MAP1B: variants seen among roughly 807,000 people sequenced by gnomAD.
The protein encoded by MAP1B is microtubule-associated protein 1B.
In MAP1B, 12 loss-of-function variants were observed where a neutral mutation model predicts 176.1. The ratio of observed to expected loss-of-function variants is 0.07; its 90% CI spans 0.04 to 0.11. MAP1B has a LOEUF of 0.11. MAP1B is among the 10% of genes least tolerant of loss of function. MAP1B has a pLI of 1.00. For synonymous variants in MAP1B, 1,044 were observed against 1,135.0 expected, an observed-to-expected ratio of 0.92 and a Z score of 1.61; for missense variants, 2,523 against 2,990.5, an observed-to-expected ratio of 0.84 and a Z score of 3.65.
In MAP1B at chr5:72,209,266, CCT is replaced by C. The variant is rs1199522652; in HGVS notation, c.*4030_*4031del. The C allele has an allele frequency of 6.6e-5, 10 of 152,122 alleles. No homozygotes were observed. Among genetic ancestry groups the C allele is most frequent in the Non-Finnish European group, 1.5e-5 (1 of 68,032 alleles). The allele number at this position is 152,122 out of a possible 1,614,324, so 9.4% of individuals were successfully genotyped here. ...CGCTTTTCCTACACTGCATGCAGCC[CCT>C]CTTTCCAGCACTGGAAAGAAGTGGT... On this transcript the variant is annotated 3_prime_UTR_variant, in exon 7 of 7. Coordinates refer to ENST00000296755, the MANE Select transcript of MAP1B (RefSeq NM_005909.5).
intron 1 of MAP1B, among the ~76,000 whole-genome samples, chr5:72,107,993 T>G (rs1480102496): frequency 6.6e-6 from 1 of 152,074 alleles, no homozygotes; most frequent in African/African-American, 2.4e-5. Flanking sequence ...TCCCGCTAAG[T>G]GAAATGCAGG....
intron 2 of MAP1B, among the ~76,000 whole-genome samples, chr5:72,154,623 C>T (rs1212541358): frequency 1.3e-5 from 2 of 152,226 alleles, no homozygotes; most frequent in African/African-American, 4.8e-5. Context: ...AGGTCCCCTA[C>T]CAGATGGAGA....
chr5:72,148,185 T>G (rs1252075776), intron 2 of MAP1B, among the ~76,000 whole-genome samples: 1 of 152,248 alleles, frequency 6.6e-6, no homozygotes, highest in Non-Finnish European at 1.5e-5. Context: ...GCACTGCACT[T>G]ATGGAACCAA....
At position 72,198,351 on chromosome 5, in the gene MAP1B, T is replaced by A. The variant is rs751231507; in HGVS notation, c.4996T>A (p.Ser1666Thr). ...CCTTGCTATGGACTTCAGTCGACAGTCTCCAGATCACCCTACAGTGGGTGC... is the reference window on the plus strand; with the variant it reads ...CCTTGCTATGGACTTCAGTCGACAGACTCCAGATCACCCTACAGTGGGTGC... ...QSLAMDFSRQ[S>T]PDHPTVGAGV... is the part of the protein sequence containing the mutation. The change falls in exon 5 of 7, where the codon TCT becomes ACT. Residue 1666 changes from serine to threonine, a missense_variant. Physicochemically the swap from Ser to Thr is moderately conservative, Grantham distance 58. Around this residue, in one of 4 missense-constraint regions of MAP1B, gnomAD observed 1,925 missense variants for 2,126.0 expected, o/e 0.91. Transcript: ENST00000296755. 1.2e-6 allele frequency: 2 copies of A among 1,614,142 alleles called. No individual in the cohort carries two copies. The highest frequency in any genetic ancestry group is 1.7e-6 in the Non-Finnish European group (2 of 1,180,024).
At chr5:72,157,860 C>T (rs1387177646) in intron 2 of MAP1B, among the ~76,000 whole-genome samples, 1 of 152,122 alleles carries the variant, frequency 6.6e-6, no homozygotes, top group Non-Finnish European at 1.5e-5. Context: ...TAGCCTTTAT[C>T]ACTCTTTCTT....
intron 4 of MAP1B, among the ~76,000 whole-genome samples, chr5:72,187,275 G>C (rs1580014259): frequency 6.6e-6 from 1 of 152,194 alleles, no homozygotes; most frequent in African/African-American, 2.4e-5. Flanking sequence ...CCAAGAAAAA[G>C]ATGGCTAAAG....
intron 3 of MAP1B, 40 bp downstream of exon 3, chr5:72,183,865 C>T: frequency 6.5e-7 from 1 of 1,539,778 alleles, no homozygotes; most frequent in Non-Finnish European, 9.0e-7. Flanking sequence ...CCGGGCCCCA[C>T]ACACTGGATA....
intron 2 of MAP1B, among the ~76,000 whole-genome samples, chr5:72,128,026 T>G (rs11745965): frequency 1.3e-3 from 204 of 152,354 alleles, no homozygotes; most frequent in Admixed American, 2.5e-3. Context: ...AAAGGACATA[T>G]TGTTCCCCTT....
chr5:72,182,453 C>A (rs373266291), intron 2 of MAP1B, among the ~76,000 whole-genome samples: 70 of 152,238 alleles, frequency 4.6e-4, no homozygotes, highest in Middle Eastern at 3.4e-3. Context: ...TATTGATATA[C>A]CACATTTTAC....
At chr5:72,192,970 A>G (rs1747055901) in intron 4 of MAP1B, among the ~76,000 whole-genome samples, 1 of 152,238 alleles carries the variant, frequency 6.6e-6, no homozygotes, top group African/African-American at 2.4e-5. Flanking sequence ...TGTTTCAGCC[A>G]CATTTGATCT....
chr5:72,161,373 A>G (rs1301025625), intron 2 of MAP1B, among the ~76,000 whole-genome samples: 2 of 152,242 alleles, frequency 1.3e-5, no homozygotes, highest in Non-Finnish European at 2.9e-5. Flanking sequence ...CAGTCAATAC[A>G]TGGTGGCTAT....
At chr5:72,128,262 C>T (rs1745663744) in intron 2 of MAP1B, among the ~76,000 whole-genome samples, 1 of 152,170 alleles carries the variant, frequency 6.6e-6, no homozygotes, top group Non-Finnish European at 1.5e-5. Flanking sequence ...GTAGCGATTT[C>T]TTATCACTGA....
At chr5:72,153,550 A>C (rs946613431) in intron 2 of MAP1B, among the ~76,000 whole-genome samples, 1 of 151,878 alleles carries the variant, frequency 6.6e-6, no homozygotes, top group Non-Finnish European at 1.5e-5. Context: ...TTGTAATGAC[A>C]AGTTGGAATT....
At chr5:72,121,974 A>G (rs961487488) in intron 2 of MAP1B, among the ~76,000 whole-genome samples, 5 of 152,242 alleles carry the variant, frequency 3.3e-5, no homozygotes, top group Admixed American at 2.6e-4. Flanking sequence ...TTGTTTGTGT[A>G]CACGCACAGG....
At chr5:72,120,717 C>T (rs894693464) in intron 2 of MAP1B, among the ~76,000 whole-genome samples, 8 of 152,032 alleles carry the variant, frequency 5.3e-5, no homozygotes, top group African/African-American at 1.7e-4. Context: ...TGAGCCACTG[C>T]GCCCGGCCCC....
In MAP1B at chr5:72,194,333, G is replaced by A. The variant is rs1747096089; in HGVS notation, c.978G>A (p.Arg326=). ...NLPGINSMLQ[R]KIAELEEEQS... ...CTGGAATAAACAGCATGTTACAGCG[G>A]AAAATTGCAGAGCTCGAGGAAGAAC... Residue 326 remains arginine (R), a synonymous_variant, in exon 5 of 7, where the codon CGG becomes CGA. Transcript: ENST00000296755. This position sits in a 1 kb window ranked among gnomAD's most constrained non-coding sequence, Gnocchi z 7.2. 10 of 1,614,200 alleles carry A rather than the reference G, an allele frequency of 6.2e-6. No homozygotes were observed. Among genetic ancestry groups the A allele is most frequent in the Non-Finnish European group, 8.5e-6 (10 of 1,180,042 alleles).
intron 2 of MAP1B, among the ~76,000 whole-genome samples, chr5:72,177,958 C>T (rs966758429): frequency 5.3e-5 from 8 of 151,948 alleles, no homozygotes; most frequent in African/African-American, 1.4e-4. Context: ...TCCCTCCTTC[C>T]TTCCTCCCTT....
chr5:72,198,080 T>C lies in MAP1B; in HGVS notation c.4725T>C (p.His1575=), dbSNP rs747325921. Residue 1575 remains histidine (H), a synonymous_variant, in exon 5 of 7, where the codon CAT becomes CAC. Transcript: ENST00000296755. ...CAGATGATGTGTCTCCATCTCTGCA[T>C]GCTGAGGTTGGCTCCCCACATTCCA... ...PTTDDVSPSL[H]AEVGSPHSTE... 6.2e-7 allele frequency: 1 copy of C among 1,614,090 alleles called. No individual in the cohort carries two copies. Among genetic ancestry groups the C allele is most frequent in the African/African-American group, 1.3e-5 (1 of 74,928 alleles).
intron 2 of MAP1B, among the ~76,000 whole-genome samples, chr5:72,131,108 G>A (rs1745725122): frequency 6.6e-6 from 1 of 152,112 alleles, no homozygotes; most frequent in African/African-American, 2.4e-5. Context: ...TCTCAGTCAA[G>A]GTGAGGAGAC....
Sources: gnomAD v4.1 joint callset for allele counts (sites outside exome capture counted in the v4.1 genomes callset) on GRCh38, gnomAD v4.1.1 for gene constraint, gnomAD v4.1.1 regional missense constraint, Gnocchi (gnomAD v3.1) non-coding constraint, MANE v1.5 for transcripts, NCBI Gene and HGNC (gene_info 2026-07-23, HGNC 2026-07-21) for gene names.